Variants in DLGAP5 observed in about 807,000 individuals in gnomAD.
The protein encoded by DLGAP5 is disks large-associated protein 5.
A neutral mutation model predicts 99.6 loss-of-function variants in DLGAP5; 90 were observed. That is an observed-to-expected ratio of 0.90 (90% CI 0.76 to 1.08). The LOEUF is 1.08. Among genes scored for constraint, DLGAP5 ranks in the 50% least tolerant of loss-of-function variants. The pLI is 0.00. For missense variants in DLGAP5, 1,036 were observed against 983.5 expected, an observed-to-expected ratio of 1.05 and a Z score of -0.71; for synonymous variants, 311 against 321.3, an observed-to-expected ratio of 0.97 and a Z score of 0.34.
intron 15 of DLGAP5, among the ~76,000 whole-genome samples, chr14:55,153,483 G>A (rs1220267538): frequency 6.6e-6 from 1 of 150,998 alleles, no homozygotes; most frequent in Non-Finnish European, 1.5e-5. Context: ...GGAGGTTGCA[G>A]TGAGCCGAGG....
At chr14:55,159,008 A>C (rs1882315085) in intron 13 of DLGAP5, among the ~76,000 whole-genome samples, 1 of 151,750 alleles carries the variant, frequency 6.6e-6, no homozygotes, top group Non-Finnish European at 1.5e-5. Flanking sequence ...GTTAGAAATA[A>C]ATTTAGGGGA....
intron 6 of DLGAP5, among the ~76,000 whole-genome samples, chr14:55,180,233 T>C (rs1883226197): frequency 6.6e-6 from 1 of 152,182 alleles, no homozygotes; most frequent in Non-Finnish European, 1.5e-5. Context: ...CTTCAGGGTA[T>C]GGTTTTCCAG....
intron 12 of DLGAP5, among the ~76,000 whole-genome samples, chr14:55,169,000 C>A (rs1441388075): frequency 1.3e-5 from 2 of 151,796 alleles, no homozygotes; most frequent in African/African-American, 2.4e-5. Flanking sequence ...CACGGTGAAA[C>A]TCCGTCTCTA....
At chr14:55,173,558 G>T (rs1566503074) in intron 10 of DLGAP5, among the ~76,000 whole-genome samples, 3 of 151,658 alleles carry the variant, frequency 2.0e-5, no homozygotes, top group Non-Finnish European at 4.4e-5. Context: ...TGTATTGTAT[G>T]ATATTGTCTC....
chr14:55,154,667 C>A lies in DLGAP5; in HGVS notation c.2013G>T (p.Thr671=). 3.1e-6 allele frequency: 5 copies of A among 1,614,102 alleles called. No individual in the cohort carries two copies. In the South Asian group the frequency reaches 5.5e-5, roughly 18 times the overall value. Residue 671 remains threonine, a synonymous_variant, in exon 15 of 19, where the codon ACG becomes ACT. Coordinates refer to ENST00000247191, the MANE Select transcript of DLGAP5 (RefSeq NM_014750.5). ...AAGTCTTCTTCACATGTTCACTTTT[C>A]GTATTCTGAGGACCGGCATTTTCTG... ...TSPENAGPQN[T]KSEHVKKTLF... is the part of the protein sequence containing the mutation.
At chr14:55,152,056 G>C (rs1405747885) in intron 16 of DLGAP5, 115 bp from the exon 17 acceptor site, 7 of 930,080 alleles carry the variant, frequency 7.5e-6, no homozygotes, top group Non-Finnish European at 1.1e-5. Context: ...CCCGGACACA[G>C]TCTTAAGAAC....
intron 10 of DLGAP5, among the ~76,000 whole-genome samples, chr14:55,172,475 T>C (rs1882894486): frequency 6.6e-6 from 1 of 152,026 alleles, no homozygotes; most frequent in Non-Finnish European, 1.5e-5. Context: ...TTATTTTTAT[T>C]TTTTTTAAAT....
chr14:55,165,161 A>G (rs983909518), intron 12 of DLGAP5, among the ~76,000 whole-genome samples: 1 of 152,208 alleles, frequency 6.6e-6, no homozygotes, highest in African/African-American at 2.4e-5. Context: ...TCAGTAAAAG[A>G]TACATGAATG....
chr14:55,151,905 A>G lies in DLGAP5; in HGVS notation c.2158T>C (p.Ser720Pro), dbSNP rs1351597048. 7 of 1,613,812 alleles carry G rather than the reference A, an allele frequency of 4.3e-6. No individual in the cohort carries two copies. In the African/African-American group the frequency reaches 6.7e-5, roughly 15 times the overall value. The change falls in exon 17 of 19, where the codon TCC (serine) becomes CCC (proline). Residue 720 changes from serine to proline, a missense_variant. Transcript: ENST00000247191. ...NKTDLKVDCL[S>P]SERMSLPLLA... ...AGAGGCAAACTCATTCTCTCACTGG[A>G]TAAACAATCCACCTTCAAGTCTGTC...
At chr14:55,151,454 G>A (rs1019810832) in intron 17 of DLGAP5, among the ~76,000 whole-genome samples, 2 of 152,064 alleles carry the variant, frequency 1.3e-5, no homozygotes, top group South Asian at 2.1e-4. Context: ...AACCTGGGAG[G>A]TGGAGGTTGC....
Position 55,188,971 on chromosome 14 carries a change from A to C in DLGAP5, c.209T>G (p.Leu70Arg). 6.2e-7 allele frequency: 1 copy of C among 1,613,450 alleles called. No individual in the cohort carries two copies. Among genetic ancestry groups the C allele is most frequent in the Non-Finnish European group, 8.5e-7 (1 of 1,179,864 alleles). ...LVELDETSQG[L>R]VPEKTNVKPR... Reference sequence around the variant, plus strand: ...CTTAACATTGGTCTTTTCTGGAACAAGCCCTTGAGATGTCTCATCTAATTC... The same window carrying C: ...CTTAACATTGGTCTTTTCTGGAACACGCCCTTGAGATGTCTCATCTAATTC... The change falls in exon 2 of 19, where the codon CTT (leucine) becomes CGT (arginine). Residue 70 changes from leucine (L) to arginine (R), a missense_variant. By Grantham distance (102) the Leu-to-Arg change is moderately radical. Transcript: ENST00000247191.
At chr14:55,171,391 A>T (rs1882853743) in intron 10 of DLGAP5, among the ~76,000 whole-genome samples, 1 of 152,196 alleles carries the variant, frequency 6.6e-6, no homozygotes, top group African/African-American at 2.4e-5. Flanking sequence ...TATACCCACA[A>T]CAAGTATACA....
intron 11 of DLGAP5, 91 bp from the exon 12 acceptor site, chr14:55,169,650 C>T (rs1271246287): frequency 8.7e-7 from 1 of 1,149,744 alleles, no homozygotes; most frequent in African/African-American, 1.6e-5. Flanking sequence ...CTCCAAACAT[C>T]CTAGGGCCTA....
At chr14:55,173,288 CAAA>C (rs33912800) in intron 10 of DLGAP5, among the ~76,000 whole-genome samples, 2 of 121,732 alleles carry the variant, frequency 1.6e-5, no homozygotes, top group African/African-American at 5.3e-5. Context: ...AAAAAAAAAA[CAAA>C]AAAAAAAACA....
chr14:55,170,629 A>G, intron 11 of DLGAP5, 73 bp downstream of exon 11: 1 of 1,324,962 alleles, frequency 7.5e-7, no homozygotes, highest in Non-Finnish European at 1.1e-6. Flanking sequence ...GCAATGCTAT[A>G]TTTTTATGTT....
At chr14:55,159,613 A>G (rs1366890919) in intron 13 of DLGAP5, among the ~76,000 whole-genome samples, 2 of 152,224 alleles carry the variant, frequency 1.3e-5, no homozygotes, top group Non-Finnish European at 2.9e-5. Flanking sequence ...GGATGGTAAC[A>G]GCATTATGAG....
intron 12 of DLGAP5, among the ~76,000 whole-genome samples, chr14:55,167,491 C>A (rs533807455): frequency 1.3e-5 from 2 of 152,286 alleles, no homozygotes; most frequent in Admixed American, 1.3e-4. Context: ...TCCTTCCTCA[C>A]AACGTTTTCT....
At chr14:55,174,555 T>C (rs541447644) in intron 10 of DLGAP5, among the ~76,000 whole-genome samples, 2 of 152,210 alleles carry the variant, frequency 1.3e-5, no homozygotes, top group East Asian at 1.9e-4. Context: ...CGACATGTGA[T>C]GTCTCCCCCG....
rs1314643086 is a variant in DLGAP5, at chr14:55,150,787, T to C, written c.2418+12A>G. 8 of 1,563,582 alleles carry C rather than the reference T, an allele frequency of 5.1e-6. No individual in the cohort carries two copies. The East Asian group carries it at 1.2e-4, about 23-fold the overall frequency. On this transcript the variant is annotated intron_variant, in intron 18 of 18. Transcript: ENST00000247191. ...TAGAATATAAAGGGACTTGTCAAGT[T>C]GGAAAACTTACTGAATCAAGAAGGT...
Sources: allele counts gnomAD v4.1 joint callset (sites outside exome capture counted in the v4.1 genomes callset), GRCh38; gene constraint gnomAD v4.1.1; transcripts MANE v1.5; gene names NCBI Gene and HGNC (gene_info 2026-07-23, HGNC 2026-07-21).